GALNT10: variants seen among roughly 807,000 people sequenced by gnomAD.
The protein encoded by GALNT10 is polypeptide N-acetylgalactosaminyltransferase 10.
Under a neutral mutation model 75.0 loss-of-function variants are expected in GALNT10, and 41 were observed. The ratio of observed to expected loss-of-function variants is 0.55; its 90% CI spans 0.43 to 0.71. The LOEUF (loss-of-function observed/expected upper bound fraction) is 0.71, where lower values mean the gene tolerates loss of function less well. GALNT10 is among the 30% of genes least tolerant of loss of function. The pLI is 0.00. For missense variants in GALNT10, 727 were observed against 818.5 expected (o/e 0.89, Z 1.36); for synonymous variants, 302 against 313.0 (o/e 0.96, Z 0.37).
Position 154,345,866 on chromosome 5 carries a change from A to G in GALNT10, c.568+16128A>G, listed in dbSNP as rs369639027. On this transcript the variant is annotated intron_variant, in intron 4 of 11. Coordinates refer to ENST00000297107, the MANE Select transcript of GALNT10 (RefSeq NM_198321.4). Reference sequence around the variant, plus strand: ...CACCATGTTGCCCAGGCTAGTCTTGAACTCTGGGGCTCAAGTGATCCACCC... The same window carrying G: ...CACCATGTTGCCCAGGCTAGTCTTGGACTCTGGGGCTCAAGTGATCCACCC... Among the ~76,000 whole-genome samples the G allele has an allele frequency of 4.7e-5, 7 of 147,868 alleles. No individual in the cohort carries two copies. The East Asian group carries it at 9.9e-4, about 21-fold the overall frequency.
chr5:154,285,888 A>G (rs960780735), intron 1 of GALNT10, among the ~76,000 whole-genome samples: 1 of 152,210 alleles, frequency 6.6e-6, no homozygotes, highest in African/African-American at 2.4e-5. Flanking sequence ...TGTGCACCAC[A>G]CACACTGCTC....
intron 3 of GALNT10, among the ~76,000 whole-genome samples, chr5:154,325,984 A>G (rs1326197974): frequency 6.6e-6 from 1 of 152,218 alleles, no homozygotes; most frequent in African/African-American, 2.4e-5. Context: ...AGGAGTTTAT[A>G]CAAAATTATT....
At chr5:154,335,416 C>T (rs1270584309) in intron 4 of GALNT10, among the ~76,000 whole-genome samples, 1 of 152,106 alleles carries the variant, frequency 6.6e-6, no homozygotes, top group Non-Finnish European at 1.5e-5. Context: ...AACAGCAGGG[C>T]AGACTTTCTG....
intron 2 of GALNT10, 43 bp from the exon 3 acceptor site, chr5:154,297,898 C>G (rs200119977): frequency 1.3e-6 from 2 of 1,576,276 alleles, no homozygotes; most frequent in African/African-American, 2.7e-5. Flanking sequence ...TATACAGTAC[C>G]CCATACATCA....
intron 7 of GALNT10, among the ~76,000 whole-genome samples, chr5:154,397,190 CTTTTT>C (rs11349379): frequency 2.1e-5 from 3 of 142,612 alleles, no homozygotes; most frequent in Non-Finnish European, 3.1e-5. Flanking sequence ...TTCTTTTCTA[CTTTTT>C]TTTTTTTTTT....
At chr5:154,323,541 C>T (rs768454933) in intron 3 of GALNT10, among the ~76,000 whole-genome samples, 14 of 152,126 alleles carry the variant, frequency 9.2e-5, no homozygotes, top group Non-Finnish European at 1.6e-4. Context: ...GAGGAGGCAA[C>T]CTTCAAGCTA....
chr5:154,198,211 G>A (rs1320670881), intron 1 of GALNT10, among the ~76,000 whole-genome samples: 1 of 152,206 alleles, frequency 6.6e-6, no homozygotes, highest in East Asian at 1.9e-4. Context: ...TTCAAAACCC[G>A]AGGCTTGGGC....
chr5:154,283,272 C>T (rs1346776190), intron 1 of GALNT10, among the ~76,000 whole-genome samples: 1 of 107,954 alleles, frequency 9.3e-6, no homozygotes, highest in Non-Finnish European at 1.8e-5. Flanking sequence ...AATAAGACCT[C>T]GTCTGTAAAA....
At chr5:154,295,133 C>T (rs1366322132) in intron 2 of GALNT10, among the ~76,000 whole-genome samples, 1 of 152,172 alleles carries the variant, frequency 6.6e-6, no homozygotes, top group Non-Finnish European at 1.5e-5. Context: ...TCTCCACTGC[C>T]ATCACCAGAT....
intron 1 of GALNT10, among the ~76,000 whole-genome samples, chr5:154,284,961 A>G (rs947898131): frequency 3.9e-5 from 6 of 152,212 alleles, no homozygotes; most frequent in African/African-American, 1.4e-4. Flanking sequence ...GAGTTAGGCT[A>G]TAATAAACCC....
chr5:154,379,989 C>T (rs959014634), intron 5 of GALNT10, among the ~76,000 whole-genome samples: 2 of 152,186 alleles, frequency 1.3e-5, no homozygotes, highest in African/African-American at 4.8e-5. Flanking sequence ...TGCTGGGGTG[C>T]CTACTGCTTT....
intron 3 of GALNT10, among the ~76,000 whole-genome samples, chr5:154,327,282 C>T (rs900654463): frequency 6.6e-6 from 1 of 152,136 alleles, no homozygotes; most frequent in African/African-American, 2.4e-5. Context: ...CTATAACCAA[C>T]CTAGTAGTAA....
chr5:154,222,249 T>TA (rs1752992634), intron 1 of GALNT10, among the ~76,000 whole-genome samples: 1 of 150,674 alleles, frequency 6.6e-6, no homozygotes, highest in Non-Finnish European at 1.5e-5. Context: ...TTTTTTTTTT[T>TA]ACTCAGCATG....
At chr5:154,195,205 A>G (rs766445511) in intron 1 of GALNT10, among the ~76,000 whole-genome samples, 46 of 152,240 alleles carry the variant, frequency 3.0e-4, no homozygotes, top group Non-Finnish European at 4.4e-4. Flanking sequence ...TCACTGAATC[A>G]AAAGCACCTT....
intron 2 of GALNT10, among the ~76,000 whole-genome samples, chr5:154,296,114 T>A (rs760243985): frequency 3.3e-5 from 5 of 152,072 alleles, no homozygotes; most frequent in African/African-American, 4.8e-5. Flanking sequence ...TCAGATGGAG[T>A]CTCACTCTGT....
chr5:154,243,678 T>G (rs757172665), intron 1 of GALNT10, among the ~76,000 whole-genome samples: 2 of 152,244 alleles, frequency 1.3e-5, no homozygotes, highest in Non-Finnish European at 2.9e-5. Context: ...ATAGAATTAA[T>G]TCTTTAAATA....
At chr5:154,283,939 G>A (rs535930343) in intron 1 of GALNT10, among the ~76,000 whole-genome samples, 2 of 152,342 alleles carry the variant, frequency 1.3e-5, no homozygotes, top group South Asian at 4.1e-4. Context: ...GGAGCACAGT[G>A]TTGAGAAAGA....
chr5:154,290,243 C>T (rs1382987540), intron 1 of GALNT10, among the ~76,000 whole-genome samples: 1 of 147,950 alleles, frequency 6.8e-6, no homozygotes, highest in Admixed American at 6.7e-5. Context: ...AGGTGTGTGC[C>T]ATGACACTCA....
rs897874886 is a variant in GALNT10, at chr5:154,416,486, C to T, written c.1654-328C>T. On this transcript the variant is annotated intron_variant, in intron 11 of 11. Coordinates refer to ENST00000297107, the MANE Select transcript of GALNT10 (RefSeq NM_198321.4). This position sits in a 1 kb window ranked among gnomAD's most constrained non-coding sequence, Gnocchi z 4.5. ...AAGATAAAAGGAAAGCACATACACACACACACACACACACACACACACACA... is the reference window on the plus strand; with the variant it reads ...AAGATAAAAGGAAAGCACATACACATACACACACACACACACACACACACA... 2.7e-5 allele frequency among the ~76,000 whole-genome samples: 2 copies of T among 73,842 alleles called. No homozygotes were observed. Among genetic ancestry groups the T allele is most frequent in the South Asian group, 4.7e-4 (1 of 2,124 alleles). The allele number at this position is 73,842 out of a possible 152,430, so 48.4% of individuals were successfully genotyped here. A position where few individuals can be genotyped will look rare whatever the true frequency, so the allele number is the denominator to read the frequency against.
Sources: gnomAD v4.1 joint callset for allele counts (sites outside exome capture counted in the v4.1 genomes callset) on GRCh38, gnomAD v4.1.1 for gene constraint, Gnocchi (gnomAD v3.1) non-coding constraint, MANE v1.5 for transcripts, NCBI Gene and HGNC (gene_info 2026-07-23, HGNC 2026-07-21) for gene names.